The following SLC14A2 variants were observed in gnomAD, a reference collection of about 807,000 sequenced individuals.
SLC14A2 encodes solute carrier family 14 member 2.
Under a neutral mutation model 104.6 loss-of-function variants are expected in SLC14A2, and 91 were observed. The ratio of observed to expected loss-of-function variants is 0.87; its 90% CI spans 0.73 to 1.04. The LOEUF is 1.04. Ranked by LOEUF, SLC14A2 falls within the 50% of genes least tolerant of loss-of-function variation. The pLI, the probability that SLC14A2 is intolerant of heterozygous loss-of-function variation, is 0.00. For synonymous variants in SLC14A2, 476 were observed against 466.4 expected, an observed-to-expected ratio of 1.02 and a Z score of -0.27; for missense variants, 1,189 against 1,156.0, an observed-to-expected ratio of 1.03 and a Z score of -0.41.
In SLC14A2 at chr18:45,598,935, A is replaced by G. The variant is rs990711917; in HGVS notation, c.-34-25696A>G. Among the ~76,000 whole-genome samples the G allele has an allele frequency of 2.0e-5, 3 of 152,308 alleles. No individual in the cohort carries two copies. The South Asian group carries it at 6.2e-4, about 32-fold the overall frequency. ...AGGGAAGGCTCTTCCTCCCAAGTAT[A>G]ATATTAAACTCGTTTTCTCTTTCTG... On this transcript the variant is annotated intron_variant, in intron 2 of 20. Transcript: ENST00000586448.
At position 45,623,964 on chromosome 18, in the gene SLC14A2, A is replaced by G. The variant is rs190677414; in HGVS notation, c.-34-667A>G. Among the ~76,000 whole-genome samples the G allele has an allele frequency of 1.2e-4, 18 of 152,298 alleles. No individual in the cohort carries two copies. The Middle Eastern group carries it at 0.017, about 144-fold the overall frequency. On this transcript the variant is annotated intron_variant, in intron 1 of 19. Coordinates refer to ENST00000255226, the MANE Select transcript of SLC14A2 (RefSeq NM_007163.4). The stretch of plus-strand genomic sequence containing the variant: ...AAGGGGAAGCCAGACAAAACCAGGA[A>G]ACTGAGGACCTCAGGCAAAGGATGT...
intron 1 of SLC14A2, among the ~76,000 whole-genome samples, chr18:45,288,303 C>T (rs1284363291): frequency 6.6e-6 from 1 of 152,196 alleles, no homozygotes; most frequent in Non-Finnish European, 1.5e-5. Context: ...AGGATCAGTT[C>T]TATATGTTGA....
At chr18:45,655,374 G>A (rs2045816203) in intron 10 of SLC14A2, among the ~76,000 whole-genome samples, 1 of 152,230 alleles carries the variant, frequency 6.6e-6, no homozygotes. Context: ...TGTGAGGCAT[G>A]AATGTGCCCA....
chr18:45,399,467 A>G (rs1370154738), intron 1 of SLC14A2, among the ~76,000 whole-genome samples: 1 of 152,182 alleles, frequency 6.6e-6, no homozygotes, highest in Non-Finnish European at 1.5e-5. Context: ...CTAGAGCCTT[A>G]TAAATATTCT....
chr18:45,562,158 C>A (rs1329954132), intron 2 of SLC14A2, among the ~76,000 whole-genome samples: 1 of 152,226 alleles, frequency 6.6e-6, no homozygotes, highest in East Asian at 1.9e-4. Flanking sequence ...ACTAAATACA[C>A]TGAATCATTC....
At chr18:45,582,865 T>C (rs901144333) in intron 2 of SLC14A2, among the ~76,000 whole-genome samples, 3 of 152,144 alleles carry the variant, frequency 2.0e-5, no homozygotes, top group Non-Finnish European at 4.4e-5. Context: ...GATGACAAAA[T>C]GGAACCACTG....
chr18:45,619,763 T>A (rs2045134808), intron 1 of SLC14A2, among the ~76,000 whole-genome samples: 2 of 152,032 alleles, frequency 1.3e-5, no homozygotes, highest in African/African-American at 2.4e-5. Flanking sequence ...TTATGGAAAC[T>A]TTTGAAAGCT....
At chr18:45,341,718 G>A (rs1465544159) in intron 1 of SLC14A2, among the ~76,000 whole-genome samples, 5 of 142,070 alleles carry the variant, frequency 3.5e-5, no homozygotes, top group East Asian at 4.4e-4. Context: ...TCAGCATCCC[G>A]AGTTGCTGGA....
At chr18:45,437,137 T>G (rs1316990173) in intron 1 of SLC14A2, among the ~76,000 whole-genome samples, 1 of 152,216 alleles carries the variant, frequency 6.6e-6, no homozygotes, top group East Asian at 1.9e-4. Flanking sequence ...TCCCTCTGCT[T>G]TGCCCTTTAT....
intron 1 of SLC14A2, among the ~76,000 whole-genome samples, chr18:45,268,115 A>T (rs912607718): frequency 6.6e-6 from 1 of 152,168 alleles, no homozygotes; most frequent in African/African-American, 2.4e-5. Context: ...CTTGCAAAAA[A>T]ATTGTAATCT....
intron 2 of SLC14A2, among the ~76,000 whole-genome samples, chr18:45,589,900 C>A (rs1158006958): frequency 6.6e-6 from 1 of 152,184 alleles, no homozygotes; most frequent in Non-Finnish European, 1.5e-5. Context: ...TTCTGAGGAG[C>A]TTGCAAATTT....
At chr18:45,218,448 A>G (rs1400398223) in intron 1 of SLC14A2, among the ~76,000 whole-genome samples, 8 of 152,234 alleles carry the variant, frequency 5.3e-5, no homozygotes, top group East Asian at 1.9e-4. Flanking sequence ...GTTACTGTCC[A>G]ATCGGCATCT....
At chr18:45,274,977 A>G (rs969051850) in intron 1 of SLC14A2, among the ~76,000 whole-genome samples, 1 of 152,164 alleles carries the variant, frequency 6.6e-6, no homozygotes, top group South Asian at 2.1e-4. Context: ...GCGTTGACTG[A>G]ATTATCTTTC....
intron 1 of SLC14A2, among the ~76,000 whole-genome samples, chr18:45,237,632 T>C (rs1319931889): frequency 6.6e-6 from 1 of 152,184 alleles, no homozygotes; most frequent in East Asian, 1.9e-4. Context: ...TAATTTTTCA[T>C]ATTGTTAGGG....
At chr18:45,534,395 C>T (rs1486934605) in intron 2 of SLC14A2, among the ~76,000 whole-genome samples, 1 of 152,096 alleles carries the variant, frequency 6.6e-6, no homozygotes, top group Non-Finnish European at 1.5e-5. Context: ...ACGCGACATG[C>T]CTGGGACAGC....
At chr18:45,363,825 G>A (rs758720289) in intron 1 of SLC14A2, among the ~76,000 whole-genome samples, 6 of 150,762 alleles carry the variant, frequency 4.0e-5, no homozygotes, top group Non-Finnish European at 7.4e-5. Context: ...GGGGTGTCAC[G>A]CTGGGGATGG....
At chr18:45,425,217 G>C (rs764866180) in intron 1 of SLC14A2, among the ~76,000 whole-genome samples, 20 of 152,138 alleles carry the variant, frequency 1.3e-4, no homozygotes, top group Admixed American at 3.9e-4. Flanking sequence ...TCCAAATGCT[G>C]ACCCTCCATA....
chr18:45,492,619 A>G (rs1439444862), intron 2 of SLC14A2, among the ~76,000 whole-genome samples: 1 of 152,220 alleles, frequency 6.6e-6, no homozygotes, highest in East Asian at 1.9e-4. Flanking sequence ...GAGCCAAGCC[A>G]TATCAGAAAT....
intron 1 of SLC14A2, among the ~76,000 whole-genome samples, chr18:45,349,042 G>A (rs573164263): frequency 7.9e-5 from 12 of 152,336 alleles, no homozygotes; most frequent in South Asian, 2.1e-4. Context: ...AGTGTTGGAC[G>A]TGCAGTACAA....
Sources: gnomAD v4.1 joint callset for allele counts (sites outside exome capture counted in the v4.1 genomes callset) on GRCh38, gnomAD v4.1.1 for gene constraint, MANE v1.5 for transcripts, NCBI Gene and HGNC (gene_info 2026-07-23, HGNC 2026-07-21) for gene names.